SEMA3C: variants seen among roughly 807,000 people sequenced by gnomAD.
SEMA3C encodes semaphorin 3C, also known as semaphorin-3C.
SEMA3C carries 47 observed loss-of-function variants against 89.4 expected under a neutral mutation model. That is an observed-to-expected ratio of 0.53 (90% CI 0.42 to 0.67). SEMA3C has a LOEUF of 0.67. SEMA3C is among the 30% of genes least tolerant of loss of function. The pLI is 0.00. For synonymous variants in SEMA3C, 310 were observed against 320.2 expected (o/e 0.97, Z 0.34); for missense variants, 839 against 929.1 (o/e 0.90, Z 1.26).
chr7:80,791,331 T>C (rs911345154), intron 11 of SEMA3C, among the ~76,000 whole-genome samples: 1 of 152,202 alleles, frequency 6.6e-6, no homozygotes, highest in Non-Finnish European at 1.5e-5. Flanking sequence ...TTTTAATACA[T>C]ACAAACATTA....
intron 8 of SEMA3C, among the ~76,000 whole-genome samples, chr7:80,803,888 T>G (rs1789270838): frequency 6.6e-6 from 1 of 152,134 alleles, no homozygotes; most frequent in African/African-American, 2.4e-5. Flanking sequence ...TTATCTCATA[T>G]AACTTATTGA....
At chr7:80,903,667 A>T (rs1791938399) in intron 2 of SEMA3C, among the ~76,000 whole-genome samples, 1 of 152,176 alleles carries the variant, frequency 6.6e-6, no homozygotes, top group Non-Finnish European at 1.5e-5. Flanking sequence ...GTCTCAAAAA[A>T]ATTAAAAATA....
chr7:80,821,666 T>A (rs932839693), intron 4 of SEMA3C, among the ~76,000 whole-genome samples: 1 of 151,936 alleles, frequency 6.6e-6, no homozygotes, highest in African/African-American at 2.4e-5. Context: ...AATACTGATA[T>A]AACTTTTTAG....
At chr7:80,849,073 A>C (rs1246212647) in intron 2 of SEMA3C, among the ~76,000 whole-genome samples, 1 of 152,120 alleles carries the variant, frequency 6.6e-6, no homozygotes, top group Non-Finnish European at 1.5e-5. Flanking sequence ...CCAGCTTTTG[A>C]ATGTCATACA....
At chr7:80,807,833 T>C (rs553129441) in intron 6 of SEMA3C, among the ~76,000 whole-genome samples, 1 of 152,274 alleles carries the variant, frequency 6.6e-6, no homozygotes, top group African/African-American at 2.4e-5. Context: ...ATGGAAATGA[T>C]AAAGTACTAT....
At chr7:80,756,612 T>C (rs1220659888) in intron 15 of SEMA3C, among the ~76,000 whole-genome samples, 3 of 152,252 alleles carry the variant, frequency 2.0e-5, no homozygotes, top group Non-Finnish European at 4.4e-5. Context: ...TGTGGCATTC[T>C]GACCTCATTT....
rs371103885 is a variant in SEMA3C, at chr7:80,814,072, CCTTT to C, written c.448-3375_448-3372del. 4.1e-3 allele frequency among the ~76,000 whole-genome samples: 613 copies of C among 149,712 alleles called. 3 individuals carry two copies. Among genetic ancestry groups the C allele is most frequent in the African/African-American group, 0.011 (430 of 40,704 alleles). On this transcript the variant is annotated intron_variant, in intron 5 of 17. Coordinates refer to ENST00000265361, the MANE Select transcript of SEMA3C (RefSeq NM_006379.5). ...TTTTCCCCACCCCTCTTTCTCTGTT[CCTTT>C]TTTTTTTCTTTTTTCTTTTTTTTTT...
intron 11 of SEMA3C, among the ~76,000 whole-genome samples, chr7:80,794,922 C>T (rs1562878188): frequency 1.3e-5 from 2 of 152,124 alleles, no homozygotes; most frequent in South Asian, 2.1e-4. Context: ...GGGTCGTTTG[C>T]TAACAGAGCT....
In SEMA3C at chr7:80,769,228, T is replaced by C. The variant is rs1303278373; in HGVS notation, c.1355-3985A>G. ...TGTTAGGAACATTCCAATTCCACTC[T>C]TTTAGTTATTTTAAAATATACAATA... On this transcript the variant is annotated intron_variant, in intron 12 of 17. Coordinates refer to ENST00000265361, the MANE Select transcript of SEMA3C (RefSeq NM_006379.5). Among the ~76,000 whole-genome samples, 4 of 152,214 alleles carry C rather than the reference T, an allele frequency of 2.6e-5. No individual in the cohort carries two copies. The East Asian group carries it at 7.7e-4, about 29-fold the overall frequency.
chr7:80,762,171 T>G (rs1272487506), intron 13 of SEMA3C, among the ~76,000 whole-genome samples: 1 of 151,012 alleles, frequency 6.6e-6, no homozygotes, highest in Middle Eastern at 3.4e-3. Flanking sequence ...AATGAAAATC[T>G]GAGAAGGAAA....
At chr7:80,827,806 CT>C (rs1363690191) in intron 3 of SEMA3C, among the ~76,000 whole-genome samples, 5 of 152,188 alleles carry the variant, frequency 3.3e-5, no homozygotes, top group Non-Finnish European at 7.4e-5. Flanking sequence ...ACATAGTACA[CT>C]TTTCCCAACT....
chr7:80,892,169 A>G (rs532994221), intron 2 of SEMA3C, among the ~76,000 whole-genome samples: 1 of 152,250 alleles, frequency 6.6e-6, no homozygotes, highest in South Asian at 2.1e-4. Context: ...GCTTCTGTAC[A>G]GTATCTTTAC....
chr7:80,905,941 T>C, intron 2 of SEMA3C: 4 of 1,261,668 alleles, frequency 3.2e-6, no homozygotes, highest in Non-Finnish European at 4.1e-6. Flanking sequence ...TGGAATTGAA[T>C]GTAATTTTGT....
chr7:80,863,944 T>C (rs556103584), intron 2 of SEMA3C, among the ~76,000 whole-genome samples: 7 of 138,474 alleles, frequency 5.1e-5, no homozygotes, highest in Admixed American at 3.6e-4. Context: ...ACATATATAA[T>C]ATGTATATCA....
At chr7:80,830,474 T>C (rs1789984327) in intron 2 of SEMA3C, among the ~76,000 whole-genome samples, 1 of 152,182 alleles carries the variant, frequency 6.6e-6, no homozygotes, top group African/African-American at 2.4e-5. Flanking sequence ...CTTTTTAAAA[T>C]TTAGGGAGCT....
chr7:80,836,993 A>G (rs1430073235), intron 2 of SEMA3C, among the ~76,000 whole-genome samples: 2 of 152,200 alleles, frequency 1.3e-5, no homozygotes, highest in Non-Finnish European at 2.9e-5. Context: ...AAATTTCAAA[A>G]TTTTAACCCT....
intron 2 of SEMA3C, among the ~76,000 whole-genome samples, chr7:80,836,086 C>T (rs567233142): frequency 1.3e-5 from 2 of 152,148 alleles, no homozygotes; most frequent in Non-Finnish European, 2.9e-5. Flanking sequence ...AATGCCTCAG[C>T]TTCCCAAATT....
intron 15 of SEMA3C, among the ~76,000 whole-genome samples, chr7:80,756,169 G>A (rs1432981824): frequency 6.6e-6 from 1 of 152,106 alleles, no homozygotes; most frequent in Non-Finnish European, 1.5e-5. Flanking sequence ...TCACAAACCT[G>A]CTCCTTTCAC....
chr7:80,841,579 T>C lies in SEMA3C; in HGVS notation c.104-12834A>G, dbSNP rs188120017. 5.3e-5 allele frequency among the ~76,000 whole-genome samples: 8 copies of C among 152,258 alleles called. No homozygotes were observed. The East Asian group carries it at 1.2e-3, about 22-fold the overall frequency. ...TCAGCATCTAACTGGAAAACAGCTA[T>C]ATGTTGGCAAAAAATCCCCATCTCT... On this transcript the variant is annotated intron_variant, in intron 2 of 17. Transcript: ENST00000265361.
Sources: allele counts gnomAD v4.1 joint callset (sites outside exome capture counted in the v4.1 genomes callset), GRCh38; gene constraint gnomAD v4.1.1; transcripts MANE v1.5; gene names NCBI Gene and HGNC (gene_info 2026-07-23, HGNC 2026-07-21).